Variants in ITPR2 observed in about 807,000 individuals in gnomAD.
ITPR2 encodes inositol 1,4,5-trisphosphate receptor type 2.
A neutral mutation model predicts 317.1 loss-of-function variants in ITPR2; 207 were observed. The ratio of observed to expected loss-of-function variants is 0.65; its 90% CI spans 0.58 to 0.73. ITPR2 has a LOEUF of 0.73. Ranked by LOEUF, ITPR2 falls within the 30% of genes least tolerant of loss-of-function variation. The pLI is 0.00. For missense variants in ITPR2, 2,613 were observed against 3,284.0 expected (o/e 0.80, Z 4.99); for synonymous variants, 1,156 against 1,149.1 (o/e 1.01, Z -0.12).
chr12:26,761,801 AAAG>A (rs1949640029), intron 2 of ITPR2, among the ~76,000 whole-genome samples: 4 of 152,230 alleles, frequency 2.6e-5, no homozygotes, highest in Admixed American at 2.0e-4. Context: ...TGTCTCTAAA[AAAG>A]AAGTTCAGTA....
At chr12:26,477,556 C>T (rs575336945) in intron 43 of ITPR2, among the ~76,000 whole-genome samples, 1 of 152,160 alleles carries the variant, frequency 6.6e-6, no homozygotes, top group African/African-American at 2.4e-5. Flanking sequence ...ATAACGGCTT[C>T]CTAGTCTCAC....
chr12:26,359,388 C>A (rs1399357390), intron 55 of ITPR2, among the ~76,000 whole-genome samples: 1 of 152,098 alleles, frequency 6.6e-6, no homozygotes, highest in Non-Finnish European at 1.5e-5. Flanking sequence ...TACAGGGAAC[C>A]AAGAAAGCAG....
chr12:26,814,778 T>A (rs1163013576), intron 1 of ITPR2, among the ~76,000 whole-genome samples: 2 of 152,126 alleles, frequency 1.3e-5, no homozygotes, highest in Non-Finnish European at 2.9e-5. Context: ...AAAAGAAGGG[T>A]AGGGCCTGAA....
chr12:26,519,318 G>C (rs1006869438), intron 37 of ITPR2, among the ~76,000 whole-genome samples: 1 of 152,142 alleles, frequency 6.6e-6, no homozygotes, highest in East Asian at 1.9e-4. Context: ...AGTGGAATTT[G>C]TTCCAGGAAT....
chr12:26,390,556 A>G (rs1298687067), intron 54 of ITPR2, among the ~76,000 whole-genome samples: 9 of 152,214 alleles, frequency 5.9e-5, no homozygotes, highest in African/African-American at 2.4e-5. Flanking sequence ...GCAAATCCAC[A>G]GAGGCAAAAA....
At chr12:26,387,308 GC>G in intron 55 of ITPR2, 125 bp downstream of exon 55, 1 of 844,992 alleles carries the variant, frequency 1.2e-6, no homozygotes, top group African/African-American at 1.7e-5. Context: ...TGATTGACAG[GC>G]CTATTTAAAT....
chr12:26,589,867 C>CACAT (rs1945655588), intron 32 of ITPR2, among the ~76,000 whole-genome samples: 1 of 82,888 alleles, frequency 1.2e-5, no homozygotes, highest in Non-Finnish European at 2.7e-5. Flanking sequence ...CACACACACA[C>CACAT]ACACACACAC....
intron 1 of ITPR2, among the ~76,000 whole-genome samples, chr12:26,825,915 C>A (rs996970431): frequency 3.9e-5 from 6 of 152,174 alleles, no homozygotes; most frequent in Non-Finnish European, 8.8e-5. Flanking sequence ...GTCCAATGGA[C>A]TTTTAGATAT....
At chr12:26,759,059 T>A (rs894156234) in intron 2 of ITPR2, among the ~76,000 whole-genome samples, 1 of 152,100 alleles carries the variant, frequency 6.6e-6, no homozygotes, top group Non-Finnish European at 1.5e-5. Context: ...ATCTCCAGTG[T>A]CTATCACAGT....
chr12:26,587,389 G>C (rs977849575), intron 32 of ITPR2, among the ~76,000 whole-genome samples: 1 of 152,074 alleles, frequency 6.6e-6, no homozygotes, highest in Non-Finnish European at 1.5e-5. Context: ...TTTATATAGG[G>C]TGGTTGGCAA....
Position 26,400,246 on chromosome 12 carries a change from T to C in ITPR2, c.7412A>G (p.Tyr2471Cys). ...IPASNTADEE[Y>C]EDGIERTCDT... Reference sequence around the variant, plus strand: ...ACACGTCCTTTCAATTCCATCTTCATACTCTTCATCAGCTATAAAAACACA... The same window carrying C: ...ACACGTCCTTTCAATTCCATCTTCACACTCTTCATCAGCTATAAAAACACA... The change falls in exon 53 of 57, where the codon TAT becomes TGT. Residue 2471 changes from tyrosine (Y) to cysteine (C), a missense_variant. Transcript: ENST00000381340. 1 of 1,570,226 alleles carries C rather than the reference T, an allele frequency of 6.4e-7. No homozygotes were observed.
intron 34 of ITPR2, 87 bp downstream of exon 34, chr12:26,578,626 T>C (rs983325898): frequency 1.7e-5 from 20 of 1,197,340 alleles, no homozygotes; most frequent in Non-Finnish European, 2.3e-5. Flanking sequence ...AAGTTGTAAA[T>C]TGGGAAGCTG....
intron 9 of ITPR2, among the ~76,000 whole-genome samples, chr12:26,704,144 C>T (rs936468312): frequency 1.3e-5 from 2 of 152,106 alleles, no homozygotes; most frequent in East Asian, 1.9e-4. Context: ...TACACAATAG[C>T]GTGAGTTAAA....
chr12:26,447,701 G>A (rs1941640842), intron 45 of ITPR2, among the ~76,000 whole-genome samples: 1 of 151,800 alleles, frequency 6.6e-6, no homozygotes, highest in Non-Finnish European at 1.5e-5. Context: ...AAATGCAAAA[G>A]GATTAAGGAA....
rs1951102531 is a variant in ITPR2, at chr12:26,831,648, T to C, written c.92+1042A>G. ...GAACAGAGAAAACAAGGAAGTCCTA[T>C]TTAACCATTTGGCACACTGTTTTAT... On this transcript the variant is annotated intron_variant, in intron 1 of 56. Coordinates refer to ENST00000381340, the MANE Select transcript of ITPR2 (RefSeq NM_002223.4). This position sits in a 1 kb window ranked among gnomAD's most constrained non-coding sequence, Gnocchi z 4.9. Among the ~76,000 whole-genome samples the C allele has an allele frequency of 7.0e-6, 1 of 142,706 alleles. No homozygotes were observed. Among genetic ancestry groups the C allele is most frequent in the Admixed American group, 7.3e-5 (1 of 13,756 alleles). The allele number at this position is 142,706 out of a possible 152,430, so 93.6% of individuals were successfully genotyped here. A position where few individuals can be genotyped will look rare whatever the true frequency, so the allele number is the denominator to read the frequency against.
At position 26,661,688 on chromosome 12, in the gene ITPR2, G is replaced by T. The variant is rs78543224; in HGVS notation, c.1713+1997C>A. 1.2e-3 allele frequency among the ~76,000 whole-genome samples: 188 copies of T among 152,030 alleles called. 1 individual carries two copies. The highest frequency in any genetic ancestry group is 4.4e-3 in the African/African-American group (181 of 41,474). ...CTCTATAATACAGCACTGCTCGTAC[G>T]GGTGAAGTGGTGACCAGTCTCACAA... On this transcript the variant is annotated intron_variant, in intron 15 of 56. Transcript: ENST00000381340.
chr12:26,615,919 T>C (rs1452923689), intron 26 of ITPR2, among the ~76,000 whole-genome samples: 1 of 152,134 alleles, frequency 6.6e-6, no homozygotes, highest in Non-Finnish European at 1.5e-5. Flanking sequence ...GCCAGTCATC[T>C]ATTAAGAATC....
chr12:26,719,267 G>A (rs1948793200), intron 5 of ITPR2, among the ~76,000 whole-genome samples: 1 of 152,152 alleles, frequency 6.6e-6, no homozygotes, highest in African/African-American at 2.4e-5. Context: ...TGAAGCTCAG[G>A]ACGTGATTCA....
intron 2 of ITPR2, among the ~76,000 whole-genome samples, chr12:26,784,320 C>CTCTCG (rs1950159558): frequency 5.8e-5 from 1 of 17,266 alleles, no homozygotes; most frequent in Non-Finnish European, 1.8e-4. Flanking sequence ...TCTCCCTCTG[C>CTCTCG]CTCTCCCTCT....
Sources: gnomAD v4.1 joint callset for allele counts (sites outside exome capture counted in the v4.1 genomes callset) on GRCh38, gnomAD v4.1.1 for gene constraint, Gnocchi (gnomAD v3.1) non-coding constraint, MANE v1.5 for transcripts, NCBI Gene and HGNC (gene_info 2026-07-23, HGNC 2026-07-21) for gene names.